The following TEKT5 variants were observed in gnomAD, a reference collection of about 807,000 sequenced individuals.
TEKT5 encodes tektin-5.
In TEKT5, 52 loss-of-function variants were observed where a neutral mutation model predicts 48.7. That is an observed-to-expected ratio of 1.07 (90% CI 0.86 to 1.35). The LOEUF (loss-of-function observed/expected upper bound fraction) is 1.35. TEKT5 is among the 40% of genes most tolerant of loss of function. The pLI, the probability that TEKT5 is intolerant of heterozygous loss-of-function variation, is 0.00. For synonymous variants in TEKT5, 318 were observed against 267.6 expected, an observed-to-expected ratio of 1.19 and a Z score of -1.84; for missense variants, 831 against 641.6, an observed-to-expected ratio of 1.30 and a Z score of -3.19.
chr16:10,648,430 G>A (rs1187194603), intron 5 of TEKT5, among the ~76,000 whole-genome samples: 1 of 151,998 alleles, frequency 6.6e-6, no homozygotes, highest in East Asian at 1.9e-4. Context: ...TGATTCTCCT[G>A]CCTCAGCCTC....
intron 3 of TEKT5, among the ~76,000 whole-genome samples, chr16:10,687,017 A>C (rs1007545415): frequency 6.6e-6 from 1 of 152,238 alleles, no homozygotes; most frequent in African/African-American, 2.4e-5. Context: ...TCACACATGT[A>C]TGTGGAATCT....
At chr16:10,637,670 AT>A (rs1445983714) in intron 5 of TEKT5, among the ~76,000 whole-genome samples, 2 of 152,388 alleles carry the variant, frequency 1.3e-5, no homozygotes, top group African/African-American at 2.4e-5. Flanking sequence ...ATAGATGAAA[AT>A]TCATCTTCAA....
chr16:10,686,474 G>C (rs1355334969), intron 3 of TEKT5, among the ~76,000 whole-genome samples: 1 of 150,234 alleles, frequency 6.7e-6, no homozygotes, highest in South Asian at 2.1e-4. Flanking sequence ...AAAAAAAATA[G>C]ATTAAAGACT....
At chr16:10,693,382 A>C (rs2541490) in intron 1 of TEKT5, among the ~76,000 whole-genome samples, 7 of 152,074 alleles carry the variant, frequency 4.6e-5, no homozygotes, top group African/African-American at 1.7e-4. Flanking sequence ...GGTGTAAGCC[A>C]CTGTGCCCAG....
rs754915834 is a variant in TEKT5, at chr16:10,676,011, C to A, written c.1034G>T (p.Arg345Leu). Residue 345 changes from arginine (R) to leucine (L), a missense_variant, in exon 5 of 7, where the codon CGC (arginine) becomes CTC (leucine). By Grantham distance (102) the Arg-to-Leu change is moderately radical. Coordinates refer to ENST00000283025, the MANE Select transcript of TEKT5 (RefSeq NM_144674.2). ...FTDTNLAFNARISEVTDVKNK... is the reference protein window; with the variant it reads ...FTDTNLAFNALISEVTDVKNK... ...CTTCACATCCGTCACCTCAGAGATG[C>A]GGGCGTTGAAGGCCAGGTTGGTGTC... 3 of 1,614,222 alleles carry A rather than the reference C, an allele frequency of 1.9e-6. No individual in the cohort carries two copies. The highest frequency in any genetic ancestry group is 2.7e-5 in the African/African-American group (2 of 75,062).
At chr16:10,630,728 T>C (rs2252787) in intron 6 of TEKT5, among the ~76,000 whole-genome samples, 127,328 of 152,250 alleles carry the variant, frequency 0.84, 53,396 homozygotes, top group Admixed American at 0.88. Context: ...AATTTAAAAC[T>C]TAAATTTTGG....
intron 5 of TEKT5, among the ~76,000 whole-genome samples, chr16:10,636,203 C>T (rs546466399): frequency 3.3e-5 from 5 of 152,094 alleles, no homozygotes; most frequent in South Asian, 4.2e-4. Flanking sequence ...GGTGAAACCC[C>T]GTCTCTACTA....
intron 5 of TEKT5, among the ~76,000 whole-genome samples, chr16:10,673,283 C>G (rs60083461): frequency 6.6e-6 from 1 of 152,146 alleles, no homozygotes; most frequent in African/African-American, 2.4e-5. Flanking sequence ...TGGACCAAAT[C>G]CAGCCCACTG....
intron 5 of TEKT5, among the ~76,000 whole-genome samples, chr16:10,638,988 T>A (rs79428391): frequency 6.6e-6 from 1 of 152,176 alleles, no homozygotes; most frequent in African/African-American, 2.4e-5. Context: ...ATTTACAACA[T>A]AAGGGTCCCA....
chr16:10,677,825 A>G (rs1039526300), intron 4 of TEKT5, among the ~76,000 whole-genome samples: 4 of 142,082 alleles, frequency 2.8e-5, no homozygotes, highest in Non-Finnish European at 4.7e-5. Flanking sequence ...GGCTGAAACC[A>G]TCTGGAAACC....
At chr16:10,630,702 G>T (rs188013350) in intron 6 of TEKT5, among the ~76,000 whole-genome samples, 1 of 152,338 alleles carries the variant, frequency 6.6e-6, no homozygotes, top group East Asian at 1.9e-4. Context: ...TTGAGAACCT[G>T]AATTTTAGCT....
chr16:10,645,219 G>C (rs1291449963), intron 5 of TEKT5, among the ~76,000 whole-genome samples: 1 of 152,166 alleles, frequency 6.6e-6, no homozygotes, highest in African/African-American at 2.4e-5. Context: ...GTTAAAACAT[G>C]ATTTGTAGGT....
intron 5 of TEKT5, among the ~76,000 whole-genome samples, chr16:10,668,431 C>T (rs1353819255): frequency 6.6e-6 from 1 of 152,164 alleles, no homozygotes; most frequent in Non-Finnish European, 1.5e-5. Context: ...CAGGGCTGGG[C>T]CGGTTTTAGA....
chr16:10,676,837 G>A, intron 4 of TEKT5, among the ~76,000 whole-genome samples: 1 of 152,216 alleles, frequency 6.6e-6, no homozygotes, highest in East Asian at 1.9e-4. Context: ...CCAGAGGAGG[G>A]AGATTGACAG....
chr16:10,693,752 G>A (rs1899022633), intron 1 of TEKT5, among the ~76,000 whole-genome samples: 1 of 152,164 alleles, frequency 6.6e-6, no homozygotes, highest in South Asian at 2.1e-4. Flanking sequence ...GGAGGTCAAG[G>A]CGGGAAGATC....
At chr16:10,650,530 T>TA (rs1898138405) in intron 5 of TEKT5, among the ~76,000 whole-genome samples, 1 of 152,108 alleles carries the variant, frequency 6.6e-6, no homozygotes, top group Non-Finnish European at 1.5e-5. Context: ...ACATGCCCCT[T>TA]AACATCTTGT....
rs150718234 is a variant in TEKT5, at chr16:10,635,934, C to T, written c.1087-16G>A. The T allele has an allele frequency of 6.6e-5, 107 of 1,612,072 alleles. No individual in the cohort carries two copies. Among genetic ancestry groups the T allele is most frequent in the Non-Finnish European group, 8.6e-5 (101 of 1,179,548 alleles). Reference sequence around the variant, plus strand: ...CCTGCAGCGTCTGCGAGGGAACACACAGGTGTCACCACCCACCAGGCCCTT... The same window carrying T: ...CCTGCAGCGTCTGCGAGGGAACACATAGGTGTCACCACCCACCAGGCCCTT... On this transcript the variant is annotated splice_polypyrimidine_tract_variant and intron_variant, in intron 5 of 6. Transcript: ENST00000283025.
At chr16:10,665,637 C>T (rs1198770016) in intron 5 of TEKT5, among the ~76,000 whole-genome samples, 1 of 152,162 alleles carries the variant, frequency 6.6e-6, no homozygotes, top group Admixed American at 6.5e-5. Flanking sequence ...GTGACACAGT[C>T]ACCCTGACCA....
intron 5 of TEKT5, among the ~76,000 whole-genome samples, chr16:10,658,050 A>C (rs1898293079): frequency 6.6e-6 from 1 of 152,212 alleles, no homozygotes; most frequent in Non-Finnish European, 1.5e-5. Context: ...CACCCACAAA[A>C]GAAACTTTGT....
Sources: allele counts gnomAD v4.1 joint callset (sites outside exome capture counted in the v4.1 genomes callset), GRCh38; gene constraint gnomAD v4.1.1; transcripts MANE v1.5; gene names NCBI Gene and HGNC (gene_info 2026-07-23, HGNC 2026-07-21).